The following DMD variants were observed in gnomAD, a reference collection of about 807,000 sequenced individuals.
DMD encodes mutant dystrophin.
A neutral mutation model predicts 330.1 loss-of-function variants in DMD; 63 were observed. That is an observed-to-expected ratio of 0.19 (90% confidence interval 0.16 to 0.24). The LOEUF is 0.24. Ranked by LOEUF, DMD falls within the 10% of genes least tolerant of loss-of-function variation. The pLI, the probability that DMD is intolerant of heterozygous loss-of-function variation, is 1.00. For missense variants in DMD, 3,344 were observed against 2,684.1 expected, an observed-to-expected ratio of 1.25 and a Z score of -5.43; for synonymous variants, 1,223 against 959.8, an observed-to-expected ratio of 1.27 and a Z score of -5.07.
At chrX:32,273,181 G>A (rs922283229) in intron 43 of DMD, among the ~76,000 whole-genome samples, 2 of 110,469 alleles carry the variant, frequency 1.8e-5, no homozygotes, top group East Asian at 2.8e-4. Context: ...AGTAAGATGC[G>A]GGCTGAATCA....
chrX:31,418,488 A>C (rs1172634436), intron 60 of DMD, among the ~76,000 whole-genome samples: 5 of 111,889 alleles, frequency 4.5e-5, no homozygotes, highest in African/African-American at 1.6e-4. Flanking sequence ...TTTAAGTGTA[A>C]TATACTAGGG....
rs1336469725 is a variant in DMD, at chrX:32,015,940, T to C, written c.6439-47426A>G. Among the ~76,000 whole-genome samples, 15 of 111,851 alleles carry C rather than the reference T, an allele frequency of 1.3e-4. No homozygotes were observed. In the Admixed American group the frequency reaches 1.4e-3, roughly 11 times the overall value. On this transcript the variant is annotated intron_variant, in intron 44 of 78. Coordinates refer to ENST00000357033, the MANE Select transcript of DMD (RefSeq NM_004006.3). ...TTGTGGAACTTGGCAAAACTACTCA[T>C]GGCAGGACATCAGTTGGTGAGCATT...
intron 43 of DMD, among the ~76,000 whole-genome samples, chrX:32,258,290 T>C (rs1404984971): frequency 9.0e-6 from 1 of 111,658 alleles, no homozygotes; most frequent in African/African-American, 3.3e-5. Context: ...GAAATACCAT[T>C]TGACCCAGCA....
At chrX:31,868,407 T>C (rs2093835448) in intron 48 of DMD, among the ~76,000 whole-genome samples, 1 of 112,107 alleles carries the variant, frequency 8.9e-6, no homozygotes, top group South Asian at 3.6e-4. Context: ...CCTGTAAAAT[T>C]CAGAAATTCT....
intron 48 of DMD, among the ~76,000 whole-genome samples, chrX:31,874,769 C>T (rs1381908060): frequency 9.0e-6 from 1 of 110,755 alleles, no homozygotes; most frequent in African/African-American, 3.3e-5. Flanking sequence ...ACCCTTTATC[C>T]TTGGTACCTG....
At chrX:31,772,759 G>GA (rs752347114) in intron 51 of DMD, among the ~76,000 whole-genome samples, 116 of 111,736 alleles carry the variant, frequency 1.0e-3, no homozygotes, top group Non-Finnish European at 1.8e-3. Flanking sequence ...TACTTTTTCT[G>GA]AAAAATGTGG....
intron 44 of DMD, among the ~76,000 whole-genome samples, chrX:32,205,005 T>TCTCTCTCTCTCACACACACACACACA (rs60181300): frequency 3.4e-5 from 1 of 29,232 alleles, no homozygotes; most frequent in Admixed American, 4.4e-4. Context: ...TCTCTCTCTC[T>TCTCTCTCTCTCACACACACACACACA]CACATACACA....
chrX:32,671,174 C>T (rs140284398), intron 9 of DMD, among the ~76,000 whole-genome samples: 1,168 of 110,643 alleles, frequency 0.011, 23 homozygotes, highest in African/African-American at 0.036. Context: ...ATATATCTCT[C>T]ACCTTGGATC....
chrX:31,719,017 C>T (rs1226460753), intron 52 of DMD, among the ~76,000 whole-genome samples: 1 of 111,627 alleles, frequency 9.0e-6, no homozygotes, highest in Non-Finnish European at 1.9e-5. Context: ...AGATTCAGTG[C>T]TGTTACTACT....
chrX:31,933,232 A>G (rs1456394690), intron 45 of DMD, among the ~76,000 whole-genome samples: 2 of 112,272 alleles, frequency 1.8e-5, no homozygotes, highest in Non-Finnish European at 3.8e-5. Context: ...AAGGATTTGG[A>G]TAGGGCTCAG....
chrX:32,734,515 A>G (rs1263021871), intron 7 of DMD, among the ~76,000 whole-genome samples: 1 of 107,054 alleles, frequency 9.3e-6, no homozygotes, highest in African/African-American at 3.6e-5. Flanking sequence ...AAAATCCTCA[A>G]TAAAATACTG....
At chrX:33,110,680 T>G (rs921636736) in intron 1 of DMD, among the ~76,000 whole-genome samples, 1 of 111,354 alleles carries the variant, frequency 9.0e-6, no homozygotes, top group Non-Finnish European at 1.9e-5. Flanking sequence ...AAAGATGTAA[T>G]TTTTTTCCTA....
At chrX:32,253,858 A>G (rs142569844) in intron 43 of DMD, among the ~76,000 whole-genome samples, 3,225 of 110,250 alleles carry the variant, frequency 0.029, 135 homozygotes, top group African/African-American at 0.1. Flanking sequence ...TCCTGACCTC[A>G]TAATCTGCCC....
intron 12 of DMD, among the ~76,000 whole-genome samples, chrX:32,599,644 AAAT>A (rs1240377363): frequency 2.7e-5 from 3 of 111,866 alleles, no homozygotes; most frequent in Non-Finnish European, 5.6e-5. Flanking sequence ...GTCTGTCAGA[AAAT>A]AATACCTTCA....
chrX:31,479,055 G>A lies in DMD; in HGVS notation c.8596C>T (p.Leu2866Phe), dbSNP rs1603225951. ...GTCAGAAATATTCGTACAGTCTCAA[G>A]AGTACTCATGATTACAGGTTCTTTA... ...KTKEPVIMST[L>F]ETVRIFLTEQ... Residue 2866 changes from leucine to phenylalanine, a missense_variant, in exon 58 of 79, where the codon CTT becomes TTT. Leu to Phe is a conservative substitution (Grantham distance 22, BLOSUM62 0). Coordinates refer to ENST00000357033, the MANE Select transcript of DMD (RefSeq NM_004006.3). 6.6e-6 allele frequency: 8 copies of A among 1,207,892 alleles called. No individual in the cohort carries two copies. The East Asian group carries it at 2.4e-4, about 36-fold the overall frequency.
chrX:31,333,406 CCTTT>C (rs2057243341), intron 61 of DMD, among the ~76,000 whole-genome samples: 1 of 75,231 alleles, frequency 1.3e-5, no homozygotes, highest in Non-Finnish European at 2.4e-5. Context: ...GCTGCCCCCG[CCTTT>C]TTTTTTTTTT....
Position 33,233,455 on chromosome X carries a change from A to G in DMD, c.7+105804T>C, listed in dbSNP as rs146744919. Among the ~76,000 whole-genome samples the G allele has an allele frequency of 1.6e-3, 181 of 112,522 alleles. 1 individual carries two copies. Among genetic ancestry groups the G allele is most frequent in the African/African-American group, 5.6e-3 (173 of 31,013 alleles). On this transcript the variant is annotated intron_variant, in intron 1 of 17. Coordinates refer to the DMD transcript ENST00000288447. ...ACAACCATAAATAAATCAGCAACAT[A>G]TATTAGTAATAAAAAGTAACAAACT...
At chrX:32,982,245 G>A (rs2092724610) in intron 2 of DMD, among the ~76,000 whole-genome samples, 1 of 111,439 alleles carries the variant, frequency 9.0e-6, no homozygotes, top group South Asian at 3.7e-4. Flanking sequence ...ATAATACTAA[G>A]TGCAAATTAG....
intron 1 of DMD, among the ~76,000 whole-genome samples, chrX:33,117,704 T>C (rs1413494469): frequency 9.0e-6 from 1 of 111,633 alleles, no homozygotes; most frequent in Admixed American, 9.6e-5. Context: ...ACTCCTCTCA[T>C]GTGTCCTGAT....
Sources: allele counts gnomAD v4.1 joint callset (sites outside exome capture counted in the v4.1 genomes callset), GRCh38; gene constraint gnomAD v4.1.1; transcripts MANE v1.5; gene names NCBI Gene and HGNC (gene_info 2026-07-23, HGNC 2026-07-21).